The following PLXNA4 variants were observed in gnomAD, a reference collection of about 807,000 sequenced individuals.
PLXNA4 encodes the protein plexin-A4.
A neutral mutation model predicts 191.8 loss-of-function variants in PLXNA4; 44 were observed. The observed-to-expected ratio is 0.23, with a 90% CI of 0.18 to 0.29. The LOEUF (loss-of-function observed/expected upper bound fraction) is 0.29, where lower values mean the gene tolerates loss of function less well. Among genes scored for constraint, PLXNA4 ranks in the 10% least tolerant of loss-of-function variants. The pLI is 1.00. For missense variants in PLXNA4, 1,800 were observed against 2,488.8 expected, an observed-to-expected ratio of 0.72 and a Z score of 5.89; for synonymous variants, 1,082 against 1,009.5, an observed-to-expected ratio of 1.07 and a Z score of -1.36.
chr7:132,400,211 G>A (rs903159149), intron 3 of PLXNA4, among the ~76,000 whole-genome samples: 16 of 152,046 alleles, frequency 1.1e-4, no homozygotes, highest in Admixed American at 6.5e-4. Flanking sequence ...TGATCCATAC[G>A]TGTTTCTTAA....
chr7:132,227,049 G>T (rs975035949), intron 7 of PLXNA4, among the ~76,000 whole-genome samples: 2 of 152,050 alleles, frequency 1.3e-5, no homozygotes, highest in African/African-American at 2.4e-5. Flanking sequence ...GGGAGGCAGT[G>T]GTCCAGGGTC....
intron 1 of PLXNA4, among the ~76,000 whole-genome samples, chr7:132,535,089 C>T (rs1465787623): frequency 6.6e-6 from 1 of 152,226 alleles, no homozygotes; most frequent in African/African-American, 2.4e-5. Context: ...GATCCTTCCA[C>T]ACCTAGTATA....
chr7:132,468,506 A>G (rs945153384), intron 3 of PLXNA4, among the ~76,000 whole-genome samples: 1 of 152,214 alleles, frequency 6.6e-6, no homozygotes, highest in Non-Finnish European at 1.5e-5. Context: ...TCTTAGCCTT[A>G]TGGTGAAAAA....
intron 3 of PLXNA4, among the ~76,000 whole-genome samples, chr7:132,312,779 C>G (rs774290928): frequency 6.6e-6 from 1 of 152,106 alleles, no homozygotes; most frequent in Non-Finnish European, 1.5e-5. Flanking sequence ...CAGTACCTAC[C>G]ACAATCAGTT....
At chr7:132,195,314 C>T (rs956608927) in intron 13 of PLXNA4, among the ~76,000 whole-genome samples, 4 of 152,212 alleles carry the variant, frequency 2.6e-5, no homozygotes, top group Admixed American at 1.3e-4. Context: ...TCAGCAGCCT[C>T]ACAGTATTTC....
At chr7:132,370,656 A>G (rs1804400481) in intron 3 of PLXNA4, among the ~76,000 whole-genome samples, 1 of 152,024 alleles carries the variant, frequency 6.6e-6, no homozygotes, top group Non-Finnish European at 1.5e-5. Context: ...CATTGTTTCT[A>G]TTCCAATCAT....
At chr7:132,395,026 A>G (rs1793696896) in intron 3 of PLXNA4, among the ~76,000 whole-genome samples, 1 of 152,244 alleles carries the variant, frequency 6.6e-6, no homozygotes, top group Non-Finnish European at 1.5e-5. Context: ...TGCACACTCC[A>G]GCGAAAGTGA....
chr7:132,603,504 C>T (rs1354067192), intron 2 of PLXNA4, among the ~76,000 whole-genome samples: 3 of 152,276 alleles, frequency 2.0e-5, no homozygotes, highest in Middle Eastern at 3.4e-3. Context: ...ACCAGCTTTG[C>T]CTGCAGGAAG....
intron 1 of PLXNA4, among the ~76,000 whole-genome samples, chr7:132,563,764 T>C (rs1234979011): frequency 1.3e-4 from 7 of 52,860 alleles, no homozygotes; most frequent in South Asian, 8.6e-4. Context: ...TCTCCTCCTT[T>C]TCCTCTTCCT....
chr7:132,243,190 A>C (rs556189152), intron 4 of PLXNA4, among the ~76,000 whole-genome samples: 6 of 152,334 alleles, frequency 3.9e-5, no homozygotes, highest in African/African-American at 1.4e-4. Context: ...GCACAGAGGG[A>C]AAAAATAATA....
intron 11 of PLXNA4, 61 bp from the exon 12 acceptor site, chr7:132,202,897 C>A (rs1797487688): frequency 1.4e-6 from 2 of 1,427,008 alleles, no homozygotes; most frequent in Non-Finnish European, 9.3e-7. Context: ...ACAGAAGGGG[C>A]CCAGAGAGAG....
intron 3 of PLXNA4, among the ~76,000 whole-genome samples, chr7:132,374,554 G>A (rs1005603435): frequency 6.6e-6 from 1 of 152,196 alleles, no homozygotes; most frequent in Non-Finnish European, 1.5e-5. Flanking sequence ...TCAGATGTCT[G>A]CAGAGAGGAA....
chr7:132,396,950 C>A (rs888194768), intron 3 of PLXNA4, among the ~76,000 whole-genome samples: 7 of 152,226 alleles, frequency 4.6e-5, no homozygotes, highest in Non-Finnish European at 7.3e-5. Context: ...GGCGGCCCTG[C>A]CCCACACCTG....
At chr7:132,392,898 T>C (rs1016768196) in intron 3 of PLXNA4, among the ~76,000 whole-genome samples, 6 of 152,072 alleles carry the variant, frequency 3.9e-5, no homozygotes, top group Non-Finnish European at 8.8e-5. Flanking sequence ...CCAGGAGCCC[T>C]AGGAGATGCC....
chr7:132,204,812 G>A (rs1014209348), intron 10 of PLXNA4, among the ~76,000 whole-genome samples: 2 of 152,166 alleles, frequency 1.3e-5, no homozygotes, highest in Non-Finnish European at 2.9e-5. Flanking sequence ...GCAGAAAATT[G>A]CCCTAAATTC....
At chr7:132,316,276 C>G (rs1311528985) in intron 3 of PLXNA4, among the ~76,000 whole-genome samples, 1 of 152,166 alleles carries the variant, frequency 6.6e-6, no homozygotes, top group Non-Finnish European at 1.5e-5. Context: ...TTCTAGTCAA[C>G]TTTTTGGGTT....
chr7:132,154,602 C>T (rs1302253933), intron 25 of PLXNA4, among the ~76,000 whole-genome samples: 2 of 152,168 alleles, frequency 1.3e-5, no homozygotes, highest in African/African-American at 4.8e-5. Context: ...GCAGGCTGAG[C>T]CCCGCTTCCT....
At chr7:132,260,202 C>T (rs1407008635) in intron 4 of PLXNA4, among the ~76,000 whole-genome samples, 4 of 152,160 alleles carry the variant, frequency 2.6e-5, no homozygotes, top group African/African-American at 4.8e-5. Flanking sequence ...AAAAGACCTG[C>T]ACTCGTATGT....
chr7:132,382,914 T>C (rs1804956578), intron 3 of PLXNA4, among the ~76,000 whole-genome samples: 1 of 152,200 alleles, frequency 6.6e-6, no homozygotes, highest in South Asian at 2.1e-4. Context: ...AATGTAGTTA[T>C]ATATTATGTT....
Sources: gnomAD v4.1 joint callset for allele counts (sites outside exome capture counted in the v4.1 genomes callset) on GRCh38, gnomAD v4.1.1 for gene constraint, MANE v1.5 for transcripts, NCBI Gene and HGNC (gene_info 2026-07-23, HGNC 2026-07-21) for gene names.